SIPA1L1: variants seen among roughly 807,000 people sequenced by gnomAD.
SIPA1L1 encodes the protein signal induced proliferation associated 1 like 1.
A neutral mutation model predicts 162.7 loss-of-function variants in SIPA1L1; 26 were observed. The observed-to-expected ratio is 0.16, with a 90% CI of 0.12 to 0.22. SIPA1L1 has a LOEUF of 0.22. SIPA1L1 is among the 10% of genes least tolerant of loss of function. SIPA1L1 has a pLI of 1.00. For missense variants in SIPA1L1, 1,874 were observed against 2,241.0 expected, an observed-to-expected ratio of 0.84 and a Z score of 3.31; for synonymous variants, 829 against 837.4, an observed-to-expected ratio of 0.99 and a Z score of 0.17.
intron 17 of SIPA1L1, among the ~76,000 whole-genome samples, chr14:71,716,258 A>G (rs2083266067): frequency 6.6e-6 from 1 of 152,154 alleles, no homozygotes; most frequent in African/African-American, 2.4e-5. Flanking sequence ...GTCCTCCTTA[A>G]TCATTATCCT....
chr14:71,384,779 C>A (rs1423068356), intron 2 of SIPA1L1, among the ~76,000 whole-genome samples: 1 of 152,192 alleles, frequency 6.6e-6, no homozygotes, highest in East Asian at 1.9e-4. Context: ...CGCCAGTAAT[C>A]TCACATTTAA....
At chr14:71,429,619 A>G (rs577290849) in intron 2 of SIPA1L1, among the ~76,000 whole-genome samples, 146 of 152,234 alleles carry the variant, frequency 9.6e-4, no homozygotes, top group Non-Finnish European at 1.7e-3. Context: ...GTATATGGGC[A>G]TGTTTCTCTA....
chr14:71,555,255 A>G (rs932785695), intron 4 of SIPA1L1, among the ~76,000 whole-genome samples: 3 of 152,186 alleles, frequency 2.0e-5, no homozygotes, highest in East Asian at 1.9e-4. Context: ...TCACCTTATC[A>G]ATCATTTTAG....
chr14:71,376,942 C>T (rs2039427064), intron 2 of SIPA1L1, among the ~76,000 whole-genome samples: 1 of 152,222 alleles, frequency 6.6e-6, no homozygotes, highest in Non-Finnish European at 1.5e-5. Flanking sequence ...TCTTTCTACA[C>T]AGACACAGTA....
chr14:71,690,346 C>A (rs1025415343), intron 13 of SIPA1L1, among the ~76,000 whole-genome samples: 1 of 152,050 alleles, frequency 6.6e-6, no homozygotes, highest in African/African-American at 2.4e-5. Context: ...TCAAGCCATC[C>A]TCCCACCTCA....
rs779644614 is a variant in SIPA1L1 at position 71,671,390 on chromosome 14, G to C, written c.2527G>C (p.Glu843Gln). 1.9e-6 allele frequency: 3 copies of C among 1,614,078 alleles called. No individual in the cohort carries two copies. The highest frequency in any genetic ancestry group is 1.7e-6 in the Non-Finnish European group (2 of 1,180,048). Residue 843 changes from glutamate to glutamine, a missense_variant, in exon 11 of 24, where the codon GAA (glutamate) becomes CAA (glutamine). Physicochemically the swap from Glu to Gln is conservative, Grantham distance 29. Transcript: ENST00000381232. The stretch of plus-strand genomic sequence containing the variant: ...CATCTCTCTGGCTTCCAAGAAGAAG[G>C]AAAAGTCTAAGCCATATCCAGGAGC... ...PFISLASKKK[E>Q]KSKPYPGAEL...
chr14:71,330,349 C>T (rs2034374189), intron 2 of SIPA1L1: 2 of 844,732 alleles, frequency 2.4e-6, no homozygotes, highest in Non-Finnish European at 2.1e-6. Flanking sequence ...GTGCACAGTC[C>T]TCTCTTTTTG....
At chr14:71,713,783 A>G (rs986623888) in intron 17 of SIPA1L1, among the ~76,000 whole-genome samples, 7 of 152,254 alleles carry the variant, frequency 4.6e-5, no homozygotes, top group Non-Finnish European at 8.8e-5. Context: ...TTGGCATCCT[A>G]TGGATGTGAG....
intron 13 of SIPA1L1, among the ~76,000 whole-genome samples, chr14:71,691,109 G>A (rs2081224211): frequency 1.3e-5 from 2 of 152,198 alleles, no homozygotes. Flanking sequence ...TGCCTGAGAA[G>A]TTCTCATTTC....
rs766678166 is a variant in SIPA1L1, at chr14:71,730,187, C to T, written c.4747C>T (p.Leu1583Phe). The change falls in exon 20 of 24, where the codon CTT (leucine) becomes TTT (phenylalanine). Residue 1583 changes from leucine (L) to phenylalanine (F), a missense_variant. By Grantham distance (22) the Leu-to-Phe change is conservative. Coordinates refer to ENST00000381232, the MANE Select transcript of SIPA1L1 (RefSeq NM_001386936.1). ...GCACTTTTTCACCTCCAGGGCGTCA[C>T]TTCTGGACCAAGCCCTGCCCAACGA... ...REHFFTSRAS[L>F]LDQALPNDVL... 5 of 1,614,192 alleles carry T rather than the reference C, an allele frequency of 3.1e-6. No homozygotes were observed. Among genetic ancestry groups the T allele is most frequent in the Non-Finnish European group, 2.5e-6 (3 of 1,180,032 alleles).
rs2084657077 is a variant in SIPA1L1 at position 71,730,397 on chromosome 14, G to A, written c.4861+96G>A. The stretch of plus-strand genomic sequence containing the variant: ...ACTCATGTGCTCAGAGAGGGGTCCT[G>A]TATCCATGCTCAGATGGTCTCAGCT... On this transcript the variant is annotated intron_variant, in intron 20 of 23. Coordinates refer to ENST00000381232, the MANE Select transcript of SIPA1L1 (RefSeq NM_001386936.1). 4.3e-6 allele frequency: 6 copies of A among 1,402,692 alleles called. No homozygotes were observed. In the South Asian group the frequency reaches 7.8e-5, roughly 18 times the overall value. The allele number at this position is 1,402,692 out of a possible 1,614,324, so 86.9% of individuals were successfully genotyped here.
chr14:71,383,957 C>T (rs888272174), intron 2 of SIPA1L1, among the ~76,000 whole-genome samples: 1 of 152,156 alleles, frequency 6.6e-6, no homozygotes, highest in Non-Finnish European at 1.5e-5. Flanking sequence ...TTGTTTATTA[C>T]CTATTCTCTG....
chr14:71,559,301 C>T (rs1044580046), intron 4 of SIPA1L1, among the ~76,000 whole-genome samples: 1 of 151,954 alleles, frequency 6.6e-6, no homozygotes, highest in African/African-American at 2.4e-5. Flanking sequence ...CTCCTGACCT[C>T]AGGTGATCTG....
intron 4 of SIPA1L1, among the ~76,000 whole-genome samples, chr14:71,539,279 T>C (rs75431363): frequency 0.022 from 3,390 of 152,288 alleles, 122 homozygotes; most frequent in African/African-American, 0.077. Context: ...GAATATTGTC[T>C]TTACTATATT....
At chr14:71,651,878 T>A (rs527559591) in intron 8 of SIPA1L1, among the ~76,000 whole-genome samples, 13 of 152,334 alleles carry the variant, frequency 8.5e-5, no homozygotes, top group African/African-American at 3.1e-4. Flanking sequence ...TTTGTCCAAT[T>A]ATCCCAACAA....
At chr14:71,426,018 C>T (rs1258875861) in intron 2 of SIPA1L1, among the ~76,000 whole-genome samples, 2 of 152,052 alleles carry the variant, frequency 1.3e-5, no homozygotes, top group African/African-American at 4.8e-5. Flanking sequence ...TCCTTGCTTT[C>T]TTTTGGTGAC....
chr14:71,564,959 A>G (rs2030078911), intron 4 of SIPA1L1, among the ~76,000 whole-genome samples: 1 of 152,134 alleles, frequency 6.6e-6, no homozygotes, highest in Non-Finnish European at 1.5e-5. Context: ...CATCCAGTGA[A>G]CCATGCCTGC....
chr14:71,689,711 C>T (rs1326075281), intron 13 of SIPA1L1, among the ~76,000 whole-genome samples: 1 of 152,150 alleles, frequency 6.6e-6, no homozygotes, highest in Non-Finnish European at 1.5e-5. Flanking sequence ...GCTCACTGAA[C>T]ACTTGGTACT....
intron 18 of SIPA1L1, among the ~76,000 whole-genome samples, 189 bp downstream of exon 18, chr14:71,724,075 A>G (rs1457207349): frequency 6.6e-6 from 1 of 152,188 alleles, no homozygotes; most frequent in Non-Finnish European, 1.5e-5. Context: ...CTCATTCCTT[A>G]AATAAGATTT....
Sources: gnomAD v4.1 joint callset for allele counts (sites outside exome capture counted in the v4.1 genomes callset) on GRCh38, gnomAD v4.1.1 for gene constraint, MANE v1.5 for transcripts, NCBI Gene and HGNC (gene_info 2026-07-23, HGNC 2026-07-21) for gene names.